The following LRRFIP1 variants were observed in gnomAD, a reference collection of about 807,000 sequenced individuals.
LRRFIP1 encodes leucine-rich repeat flightless-interacting protein 1.
Under a neutral mutation model 104.4 loss-of-function variants are expected in LRRFIP1, and 62 were observed. That is an observed-to-expected ratio of 0.59 (90% CI 0.48 to 0.73). The LOEUF is 0.73. Among genes scored for constraint, LRRFIP1 ranks in the 30% least tolerant of loss-of-function variants. The probability of loss-of-function intolerance (pLI) is 0.00; values close to 1 mark genes in which losing one functional copy is unlikely to be tolerated. For missense variants in LRRFIP1, 796 were observed against 824.5 expected, an observed-to-expected ratio of 0.97 and a Z score of 0.42; for synonymous variants, 300 against 299.0, an observed-to-expected ratio of 1.00 and a Z score of -0.03.
intron 11 of LRRFIP1, among the ~76,000 whole-genome samples, chr2:237,746,139 A>G (rs1364484819): frequency 6.7e-6 from 1 of 149,578 alleles, no homozygotes; most frequent in South Asian, 2.1e-4. Flanking sequence ...GCTCACTGCA[A>G]CCTCTACCTC....
intron 1 of LRRFIP1, among the ~76,000 whole-genome samples, chr2:237,690,881 C>T (rs180845879): frequency 2.0e-5 from 3 of 152,270 alleles, no homozygotes; most frequent in South Asian, 4.1e-4. Context: ...CAATCAAAGA[C>T]AGCTTGGCCT....
rs146807266 is a variant in LRRFIP1, at chr2:237,766,102, A to G, written c.1460-3841A>G. Among the ~76,000 whole-genome samples the G allele has an allele frequency of 6.6e-6, 1 of 152,162 alleles. No individual in the cohort carries two copies. Among genetic ancestry groups the G allele is most frequent in the East Asian group, 1.9e-4 (1 of 5,192 alleles). On this transcript the variant is annotated intron_variant, in intron 19 of 23. Transcript: ENST00000308482. The surrounding 1 kb of genome is among the most constrained non-coding windows in gnomAD (Gnocchi z 4.8). ...TCCTGGCATCGAGCCTGGGGCTAGC[A>G]TGGGCATTACTGGGAGAACTGAGAC...
rs3820810 is a variant in LRRFIP1 at position 237,735,493 on chromosome 2, A to G, written c.555+160A>G. The G allele has an allele frequency of 0.15, 89,705 of 609,488 alleles. 11,565 individuals carry two copies. Among genetic ancestry groups the G allele is most frequent in the African/African-American group, 0.53 (28,585 of 53,504 alleles). 37.8% of individuals were successfully genotyped at this position (609,488 alleles called of 1,614,324 possible). ...CACCTTCCATTGTAATGAAGGTCAC[A>G]AATAATGTGAATCAGGAAACCTCTG... On this transcript the variant is annotated intron_variant, in intron 10 of 23. Coordinates refer to ENST00000308482, the MANE Select transcript of LRRFIP1 (RefSeq NM_001137550.2). This position sits in a 1 kb window ranked among gnomAD's most constrained non-coding sequence, Gnocchi z 4.6.
At chr2:237,668,088 C>T (rs913316413) in intron 1 of LRRFIP1, among the ~76,000 whole-genome samples, 5 of 152,120 alleles carry the variant, frequency 3.3e-5, no homozygotes, top group Admixed American at 2.0e-4. Flanking sequence ...AGCTGCTCCT[C>T]CTGCATTTCT....
At chr2:237,628,159 C>G (rs2081860553) in intron 1 of LRRFIP1, among the ~76,000 whole-genome samples, 2 of 152,324 alleles carry the variant, frequency 1.3e-5, no homozygotes, top group South Asian at 4.1e-4. Context: ...AGTGGACGGT[C>G]GCCGGAGGCC....
In LRRFIP1 at chr2:237,779,564, A is replaced by T; in HGVS notation, c.*32A>T. ...GCTCTGATCAGGCAACTGGTTGGTG[A>T]CTGGAGAGCATTGTTTCATAGGCTT... is the stretch of plus-strand genomic sequence containing the variant. On this transcript the variant is annotated 3_prime_UTR_variant, in exon 24 of 24. Coordinates refer to ENST00000308482, the MANE Select transcript of LRRFIP1 (RefSeq NM_001137550.2). 6.5e-7 allele frequency: 1 copy of T among 1,547,632 alleles called. No homozygotes were observed. The highest frequency in any genetic ancestry group is 2.3e-5 in the East Asian group (1 of 44,380).
chr2:237,632,115 G>T lies in LRRFIP1; in HGVS notation c.96+4375G>T, dbSNP rs369783141. Among the ~76,000 whole-genome samples, 7 of 149,176 alleles carry T rather than the reference G, an allele frequency of 4.7e-5. No individual in the cohort carries two copies. The South Asian group carries it at 1.5e-3, about 33-fold the overall frequency. ...CACGGCCACACAGGAGTCCAGTTGCGGAGAAGGGGTCGCACTGCCCCCAAG... is the reference window on the plus strand; with the variant it reads ...CACGGCCACACAGGAGTCCAGTTGCTGAGAAGGGGTCGCACTGCCCCCAAG... On this transcript the variant is annotated intron_variant, in intron 1 of 23. Transcript: ENST00000308482.
At chr2:237,638,142 A>G (rs1290064896) in intron 1 of LRRFIP1, among the ~76,000 whole-genome samples, 3 of 152,210 alleles carry the variant, frequency 2.0e-5, no homozygotes, top group African/African-American at 4.8e-5. Flanking sequence ...ATAATGAAAT[A>G]ATTATACAAT....
intron 1 of LRRFIP1, among the ~76,000 whole-genome samples, chr2:237,636,595 G>A (rs1379960076): frequency 6.6e-6 from 1 of 151,940 alleles, no homozygotes; most frequent in Non-Finnish European, 1.5e-5. Context: ...CCTGCATCCT[G>A]GTCTGTTTCT....
chr2:237,684,962 C>T (rs1559539488), intron 1 of LRRFIP1, among the ~76,000 whole-genome samples: 1 of 151,898 alleles, frequency 6.6e-6, no homozygotes, highest in Non-Finnish European at 1.5e-5. Context: ...TGGTGCACAC[C>T]TGCAGGCCTA....
chr2:237,745,149 G>GCGGCTTC (rs2057661943), intron 11 of LRRFIP1, among the ~76,000 whole-genome samples: 1 of 152,226 alleles, frequency 6.6e-6, no homozygotes, highest in South Asian at 2.1e-4. Context: ...TCTGCTGCCT[G>GCGGCTTC]CGGCTTCTGT....
intron 1 of LRRFIP1, among the ~76,000 whole-genome samples, chr2:237,642,395 G>T (rs2084124869): frequency 6.6e-6 from 1 of 152,066 alleles, no homozygotes; most frequent in African/African-American, 2.4e-5. Context: ...TTTGGTTCTG[G>T]GTTCCAGGCT....
chr2:237,666,769 C>G (rs1012695068), intron 1 of LRRFIP1, among the ~76,000 whole-genome samples: 1 of 133,396 alleles, frequency 7.5e-6, no homozygotes, highest in East Asian at 2.3e-4. Flanking sequence ...TTCTTTCTCT[C>G]TTTCTCTCTG....
At chr2:237,768,587 G>C (rs77742279) in intron 19 of LRRFIP1, 13 of 151,898 alleles carry the variant, frequency 8.6e-5, no homozygotes, top group African/African-American at 2.7e-4. Flanking sequence ...GGTGGGTTAT[G>C]GGGGGGAGCG....
chr2:237,665,704 T>C (rs1390711182), intron 1 of LRRFIP1, among the ~76,000 whole-genome samples: 2 of 152,236 alleles, frequency 1.3e-5, no homozygotes, highest in Non-Finnish European at 2.9e-5. Flanking sequence ...TTTTTCAGCA[T>C]GGCTGAGTTG....
chr2:237,716,934 G>A (rs186598938), intron 3 of LRRFIP1, among the ~76,000 whole-genome samples: 97 of 152,310 alleles, frequency 6.4e-4, no homozygotes, highest in Non-Finnish European at 1.1e-3. Context: ...TCCAACCTGC[G>A]GGCCACATGC....
intron 11 of LRRFIP1, among the ~76,000 whole-genome samples, chr2:237,741,794 C>T (rs952286648): frequency 2.0e-5 from 3 of 151,372 alleles, no homozygotes; most frequent in Admixed American, 2.0e-4. Context: ...CACCACTGCA[C>T]TCCAGCCTGG....
chr2:237,675,225 C>CTCCTTTGCT (rs1246374964), intron 1 of LRRFIP1, among the ~76,000 whole-genome samples: 1 of 152,240 alleles, frequency 6.6e-6, no homozygotes, highest in Admixed American at 6.5e-5. Context: ...GAGATGACGC[C>CTCCTTTGCT]TCTGTGGTAT....
intron 14 of LRRFIP1, among the ~76,000 whole-genome samples, chr2:237,751,929 T>C (rs2058674681): frequency 6.6e-6 from 1 of 152,196 alleles, no homozygotes; most frequent in Non-Finnish European, 1.5e-5. Flanking sequence ...GATCTGGAAG[T>C]GGGTGGCGTA....
Sources: gnomAD v4.1 joint callset for allele counts (sites outside exome capture counted in the v4.1 genomes callset) on GRCh38, gnomAD v4.1.1 for gene constraint, Gnocchi (gnomAD v3.1) non-coding constraint, MANE v1.5 for transcripts, NCBI Gene and HGNC (gene_info 2026-07-23, HGNC 2026-07-21) for gene names.